The following SLC66A3 variants were observed in gnomAD, a reference collection of about 807,000 sequenced individuals.
SLC66A3 encodes the protein solute carrier family 66 member 3.
Under a neutral mutation model 25.5 loss-of-function variants are expected in SLC66A3, and 23 were observed. That is an observed-to-expected ratio of 0.90 (90% CI 0.65 to 1.28). SLC66A3 has a LOEUF of 1.28. Among genes scored for constraint, SLC66A3 ranks in the 50% most tolerant of loss-of-function variants. The pLI is 0.00. For missense variants in SLC66A3, 246 were observed against 262.1 expected, an observed-to-expected ratio of 0.94 and a Z score of 0.42; for synonymous variants, 108 against 112.6, an observed-to-expected ratio of 0.96 and a Z score of 0.26.
chr2:11,173,937 A>T (rs77823120), intron 5 of SLC66A3, among the ~76,000 whole-genome samples: 3,612 of 152,308 alleles, frequency 0.024, 72 homozygotes, highest in Non-Finnish European at 0.036. Flanking sequence ...CAAGGATAGA[A>T]ACCAGTGATT....
intron 5 of SLC66A3, among the ~76,000 whole-genome samples, chr2:11,173,981 GTTTCGCTC>G (rs1318917249): frequency 1.5e-4 from 23 of 152,190 alleles, no homozygotes; most frequent in African/African-American, 5.5e-4. Flanking sequence ...TTGAGACAGA[GTTTCGCTC>G]TTTCGCTTAG....
chr2:11,155,613 C>T lies in SLC66A3; in HGVS notation c.67C>T (p.Pro23Ser). 1 of 1,526,046 alleles carries T rather than the reference C, an allele frequency of 6.6e-7. No homozygotes were observed. Among genetic ancestry groups the T allele is most frequent in the Non-Finnish European group, 8.7e-7 (1 of 1,147,416 alleles). 94.5% of individuals were successfully genotyped at this position (1,526,046 alleles called of 1,614,324 possible). ...GGGCGTGTGCGCCGCGCTGAAGCTG[C>T]CGCAGATCTCCGCTGTGCTAGCGGC... ...TLGVCAALKLPQISAVLAARS... is the reference protein window; with the variant it reads ...TLGVCAALKLSQISAVLAARS... The change falls in exon 1 of 7, where the codon CCG becomes TCG. Residue 23 changes from proline (P) to serine (S), a missense_variant. Coordinates refer to ENST00000295083, the MANE Select transcript of SLC66A3 (RefSeq NM_152391.5).
At position 11,158,271 on chromosome 2, in the gene SLC66A3, C is replaced by T. The variant is rs1661977535; in HGVS notation, c.144-2195C>T. The stretch of plus-strand genomic sequence containing the variant: ...GGTGGCTCATGCCTGTAATCCCAGC[C>T]CTTTGGGAGGCCGAGGCGGGCAGAT... On this transcript the variant is annotated intron_variant, in intron 1 of 6. Coordinates refer to ENST00000295083, the MANE Select transcript of SLC66A3 (RefSeq NM_152391.5). Among the ~76,000 whole-genome samples the T allele has an allele frequency of 2.0e-5, 3 of 152,084 alleles. No individual in the cohort carries two copies. In the South Asian group the frequency reaches 6.2e-4, roughly 32 times the overall value.
intron 1 of SLC66A3, among the ~76,000 whole-genome samples, chr2:11,159,177 A>G (rs1452277675): frequency 3.3e-5 from 5 of 152,160 alleles, no homozygotes; most frequent in Non-Finnish European, 4.4e-5. Context: ...GAAGACCCCC[A>G]TAGCTTTTGT....
intron 4 of SLC66A3, among the ~76,000 whole-genome samples, chr2:11,168,013 G>T (rs56791373): frequency 0.017 from 2,548 of 152,284 alleles, 78 homozygotes; most frequent in African/African-American, 0.059. Context: ...GGGTGCGGTG[G>T]CTCACGCCTG....
Position 11,167,695 on chromosome 2 carries a change from A to G in SLC66A3, c.354+3434A>G, listed in dbSNP as rs143171653. On this transcript the variant is annotated intron_variant, in intron 4 of 6. Transcript: ENST00000295083. Reference sequence around the variant, plus strand: ...CCTCACGCACCTGCTCTGAGGTACCAGGGTCCGGGGCACAAGGTGGCCCAG... The same window carrying G: ...CCTCACGCACCTGCTCTGAGGTACCGGGGTCCGGGGCACAAGGTGGCCCAG... Among the ~76,000 whole-genome samples, 556 of 152,234 alleles carry G rather than the reference A, an allele frequency of 3.7e-3. 2 individuals are homozygous for G. The highest frequency in any genetic ancestry group is 0.019 in the South Asian group (91 of 4,816).
intron 5 of SLC66A3, chr2:11,172,869 T>C: frequency 3.7e-6 from 1 of 268,666 alleles, no homozygotes; most frequent in South Asian, 3.0e-5. Flanking sequence ...TAATTATTAT[T>C]ATTATTATTT....
Position 11,177,719 on chromosome 2 carries a change from CTTTT to C in SLC66A3, c.518-11_518-8del. 5.1e-6 allele frequency: 7 copies of C among 1,366,444 alleles called. No individual in the cohort carries two copies. Among genetic ancestry groups the C allele is most frequent in the Non-Finnish European group, 7.0e-6 (7 of 992,938 alleles). 84.6% of individuals were successfully genotyped at this position (1,366,444 alleles called of 1,614,324 possible). A position where few individuals can be genotyped will look rare whatever the true frequency, so the allele number is the denominator to read the frequency against. ...TATTGTAAAGACAGTTTTTAATACA[CTTTT>C]TTTTTTATTTCAGTTCTTCTACGTT... On this transcript the variant is annotated splice_polypyrimidine_tract_variant and intron_variant, in intron 6 of 6. Transcript: ENST00000295083.
intron 4 of SLC66A3, among the ~76,000 whole-genome samples, chr2:11,167,665 G>A (rs1038590620): frequency 2.6e-5 from 4 of 152,158 alleles, no homozygotes; most frequent in South Asian, 2.1e-4. Flanking sequence ...GACTCAATGA[G>A]TGTTCCTCAC....
chr2:11,167,712 G>A (rs547448409), intron 4 of SLC66A3, among the ~76,000 whole-genome samples: 2 of 152,236 alleles, frequency 1.3e-5, no homozygotes, highest in East Asian at 3.9e-4. Context: ...GGGGCACAAG[G>A]TGGCCCAGAT....
At chr2:11,165,745 A>G (rs911716853) in intron 4 of SLC66A3, among the ~76,000 whole-genome samples, 23 of 152,230 alleles carry the variant, frequency 1.5e-4, no homozygotes, top group Non-Finnish European at 4.4e-5. Flanking sequence ...TGAGTGAACG[A>G]GACTCCATCT....
At chr2:11,160,743 T>C (rs6432182) in intron 3 of SLC66A3, 49 bp downstream of exon 3, 1,434,265 of 1,612,656 alleles carry the variant, frequency 0.89, 638,866 homozygotes, top group East Asian at 1. Context: ...ATGTTATTTG[T>C]GAATGGTATG....
At chr2:11,161,372 C>T (rs1662124780) in intron 3 of SLC66A3, among the ~76,000 whole-genome samples, 1 of 151,114 alleles carries the variant, frequency 6.6e-6, no homozygotes, top group East Asian at 1.9e-4. Flanking sequence ...TTGACCTCCT[C>T]GGTCAAGCTT....
At chr2:11,165,483 A>G (rs1662299043) in intron 4 of SLC66A3, among the ~76,000 whole-genome samples, 1 of 144,758 alleles carries the variant, frequency 6.9e-6, no homozygotes, top group Non-Finnish European at 1.5e-5. Context: ...GGCGCTCCCC[A>G]CATCTCAGAC....
chr2:11,162,914 A>T (rs562728494), intron 3 of SLC66A3, among the ~76,000 whole-genome samples: 30 of 152,278 alleles, frequency 2.0e-4, no homozygotes, highest in Middle Eastern at 3.4e-3. Context: ...CCTAATGAAT[A>T]CTTTTAAATA....
chr2:11,166,250 G>A (rs1462803516), intron 4 of SLC66A3, among the ~76,000 whole-genome samples: 1 of 152,186 alleles, frequency 6.6e-6, no homozygotes, highest in Non-Finnish European at 1.5e-5. Context: ...TGTTGGCCTT[G>A]TCCTGGAGAG....
intron 3 of SLC66A3, 22 bp from the exon 4 acceptor site, chr2:11,164,182 G>A: frequency 1.3e-6 from 2 of 1,538,892 alleles, no homozygotes; most frequent in Non-Finnish European, 1.8e-6. Flanking sequence ...ACCCACTGCT[G>A]TGTCCCTTAG....
chr2:11,175,504 C>T (rs1233462689), intron 6 of SLC66A3, among the ~76,000 whole-genome samples: 1 of 152,140 alleles, frequency 6.6e-6, no homozygotes, highest in Non-Finnish European at 1.5e-5. Flanking sequence ...GGACAAAGGG[C>T]TAGAGTGCGG....
chr2:11,175,107 C>T (rs1044292397), intron 6 of SLC66A3, 98 bp downstream of exon 6: 2 of 867,402 alleles, frequency 2.3e-6, no homozygotes, highest in Admixed American at 4.8e-5. Context: ...GGACTTGGCT[C>T]TGTTGGATTA....
Sources: allele counts gnomAD v4.1 joint callset (sites outside exome capture counted in the v4.1 genomes callset), GRCh38; gene constraint gnomAD v4.1.1; transcripts MANE v1.5; gene names NCBI Gene and HGNC (gene_info 2026-07-23, HGNC 2026-07-21).